The following CAPN15 variants were observed in gnomAD, a reference collection of about 807,000 sequenced individuals.
CAPN15 encodes calpain-15.
CAPN15 carries 53 observed loss-of-function variants against 97.9 expected under a neutral mutation model. The observed-to-expected ratio is 0.54, with a 90% confidence interval of 0.43 to 0.68. CAPN15 has a LOEUF of 0.68. Among genes scored for constraint, CAPN15 ranks in the 30% least tolerant of loss-of-function variants. The pLI, the probability that CAPN15 is intolerant of heterozygous loss-of-function variation, is 0.00. For synonymous variants in CAPN15, 922 were observed against 722.5 expected (o/e 1.28, Z -4.43); for missense variants, 1,592 against 1,589.8 (o/e 1.00, Z -0.02).
Position 530,807 on chromosome 16 carries a change from G to A in CAPN15, c.-190+2778G>A, listed in dbSNP as rs117705215. ...GGGCCCCCCAAGATGAGCTGCGTCA[G>A]GCTGTTGCTTTGCACACTCTGAGGG... is the stretch of plus-strand genomic sequence containing the variant. On this transcript the variant is annotated intron_variant, in intron 1 of 13. Coordinates refer to ENST00000219611, the MANE Select transcript of CAPN15 (RefSeq NM_005632.3). 7.9e-4 allele frequency among the ~76,000 whole-genome samples: 121 copies of A among 152,354 alleles called. 2 individuals are homozygous for A. The East Asian group carries it at 0.022, about 27-fold the overall frequency.
chr16:546,235 G>T (rs1348759323), intron 3 of CAPN15, among the ~76,000 whole-genome samples: 1 of 152,212 alleles, frequency 6.6e-6, no homozygotes, highest in Non-Finnish European at 1.5e-5. Context: ...GAAGAGGCAG[G>T]TTTTCTTTCT....
chr16:546,995 T>C lies in CAPN15; in HGVS notation c.157T>C (p.Cys53Arg), dbSNP rs1387544055. The change falls in exon 4 of 14, where the codon TGC becomes CGC. Residue 53 changes from cysteine (C) to arginine (R), a missense_variant. Cys to Arg is a radical substitution (Grantham distance 180). Transcript: ENST00000219611. ...GGAGCAGAAATGGCCCTGCGCCCGC[T>C]GCACCTTCCGCAACTTCCTGGGCAA... ...VEEQKWPCAR[C>R]TFRNFLGKEA... The C allele has an allele frequency of 1.2e-6, 2 of 1,610,232 alleles. No individual in the cohort carries two copies. Among genetic ancestry groups the C allele is most frequent in the Non-Finnish European group, 1.7e-6 (2 of 1,179,852 alleles).
Position 549,079 on chromosome 16 carries a change from G to A in CAPN15, c.1536G>A (p.Val512=), listed in dbSNP as rs747179596. The A allele has an allele frequency of 5.0e-6, 8 of 1,612,674 alleles. No homozygotes were observed. In the East Asian group the frequency reaches 1.6e-4, roughly 31 times the overall value. ...FPAGDSVQQR[V]RQWLRPQEIN... ...CGGGTGACAGCGTGCAGCAGCGTGT[G>A]AGGCAGTGGCTGCGACCCCAGGAGA... The change falls in exon 5 of 14, where the codon GTG becomes GTA. Residue 512 remains valine (V), a synonymous_variant. Coordinates refer to ENST00000219611, the MANE Select transcript of CAPN15 (RefSeq NM_005632.3).
intron 1 of CAPN15, among the ~76,000 whole-genome samples, chr16:529,896 CAGA>C (rs1173758983): frequency 6.6e-6 from 1 of 152,150 alleles, no homozygotes; most frequent in African/African-American, 2.4e-5. Context: ...TCATAAGACA[CAGA>C]AGAAGGAGGC....
In CAPN15 at chr16:546,825, A is replaced by G. The variant is rs2034616731; in HGVS notation, c.-14A>G. 1 of 1,587,516 alleles carries G rather than the reference A, an allele frequency of 6.3e-7. No homozygotes were observed. The highest frequency in any genetic ancestry group is 1.7e-5 in the Admixed American group (1 of 58,578). ...AGCACCTTCCCTTGCAGCCACACCC[A>G]CTCGCCCGGGTCTATGGCCACGGTC... On this transcript the variant is annotated 5_prime_UTR_variant, in exon 4 of 14. Coordinates refer to ENST00000219611, the MANE Select transcript of CAPN15 (RefSeq NM_005632.3).
At chr16:545,185 AAAC>A (rs1010215769) in intron 3 of CAPN15, among the ~76,000 whole-genome samples, 20 of 152,060 alleles carry the variant, frequency 1.3e-4, no homozygotes, top group African/African-American at 4.3e-4. Context: ...CTAAAGTTCA[AAAC>A]AACATCTTTG....
chr16:548,191 G>C lies in CAPN15; in HGVS notation c.1353G>C (p.Leu451=), dbSNP rs2034735835. The change falls in exon 4 of 14, where the codon CTG becomes CTC. Residue 451 remains leucine (L), a synonymous_variant. Transcript: ENST00000219611. ...LVAQRRGAAP[L]RRRESMHVEQ... is the part of the protein sequence containing the mutation. ...CCCAGCGGCGGGGGGCCGCGCCCCTGAGGCGCAGGGAGAGCATGCACGTGG... is the reference window on the plus strand; with the variant it reads ...CCCAGCGGCGGGGGGCCGCGCCCCTCAGGCGCAGGGAGAGCATGCACGTGG... The C allele has an allele frequency of 1.3e-6, 2 of 1,537,346 alleles. No individual in the cohort carries two copies. The highest frequency in any genetic ancestry group is 1.4e-5 in the African/African-American group (1 of 71,736).
At chr16:549,242 G>GGGGGGTT in intron 5 of CAPN15, 41 bp downstream of exon 5, 1 of 298,896 alleles carries the variant, frequency 3.3e-6, no homozygotes, top group Admixed American at 4.7e-5. Flanking sequence ...GGGTGGGCGG[G>GGGGGGTT]CGACCGGCCG....
Position 552,308 on chromosome 16 carries a change from G to A in CAPN15, c.2515G>A (p.Asp839Asn). 6.4e-7 allele frequency: 1 copy of A among 1,559,306 alleles called. No individual in the cohort carries two copies. ...CCGTGGTGTCTGGCGCAGGCGCTCGGACGCCGTGGACAGCCACCTGCTGGA... is the reference window on the plus strand; with the variant it reads ...CCGTGGTGTCTGGCGCAGGCGCTCGAACGCCGTGGACAGCCACCTGCTGGA... ...ALFQEGSRRSDAVDSHLLDLC... is the reference protein window; with the variant it reads ...ALFQEGSRRSNAVDSHLLDLC... The change falls in exon 11 of 14, where the codon GAC becomes AAC. Residue 839 changes from aspartate to asparagine, a missense_variant. This residue lies in a region of CAPN15 where 644 missense variants were observed against 699.6 expected (regional missense o/e 0.92). Transcript: ENST00000219611. The surrounding 1 kb of genome is among the most constrained non-coding windows in gnomAD (Gnocchi z 6.4).
At chr16:531,480 A>C (rs2033250580) in intron 1 of CAPN15, among the ~76,000 whole-genome samples, 1 of 152,114 alleles carries the variant, frequency 6.6e-6, no homozygotes, top group African/African-American at 2.4e-5. Context: ...AAAGGCAATA[A>C]GTTTTGGAGC....
chr16:527,759 C>G lies in CAPN15; in HGVS notation c.-460C>G, dbSNP rs1379855312. The G allele has an allele frequency of 1.3e-5, 2 of 149,976 alleles. No individual in the cohort carries two copies. Among genetic ancestry groups the G allele is most frequent in the African/African-American group, 2.4e-5 (1 of 41,144 alleles). 9.3% of individuals were successfully genotyped at this position (149,976 alleles called of 1,614,324 possible). ...AGCGCCGCGTGCGCCCCGGGCGCGC[C>G]GTAGCCGCGGGGCCCGGGCCGGGCG... On this transcript the variant is annotated 5_prime_UTR_variant, in exon 1 of 14. Transcript: ENST00000219611.
rs554547464 is a variant in CAPN15 at position 541,353 on chromosome 16, C to T, written c.-23+5211C>T. Among the ~76,000 whole-genome samples the T allele has an allele frequency of 1.4e-4, 22 of 152,274 alleles. No homozygotes were observed. In the East Asian group the frequency reaches 3.9e-3, roughly 27 times the overall value. Reference sequence around the variant, plus strand: ...CGAGTTACCCCGATGAACAGGGAGACGCGGCAGAGGCAGGGCCGGGGAGGG... The same window carrying T: ...CGAGTTACCCCGATGAACAGGGAGATGCGGCAGAGGCAGGGCCGGGGAGGG... On this transcript the variant is annotated intron_variant, in intron 3 of 13. Coordinates refer to ENST00000219611, the MANE Select transcript of CAPN15 (RefSeq NM_005632.3).
rs373748680 is a variant in CAPN15 at position 547,687 on chromosome 16, C to T, written c.849C>T (p.Ala283=). The part of the protein sequence containing the change: ...GAPQGSGWAG[A]SRLAELLSGK... ...CCCAGGGCTCGGGCTGGGCTGGGGC[C>T]TCCCGCCTAGCAGAGTTGCTGTCTG... is the stretch of plus-strand genomic sequence containing the variant. The change falls in exon 4 of 14, where the codon GCC becomes GCT. Residue 283 remains alanine, a synonymous_variant. Coordinates refer to ENST00000219611, the MANE Select transcript of CAPN15 (RefSeq NM_005632.3). 64 of 1,591,842 alleles carry T rather than the reference C, an allele frequency of 4.0e-5. No homozygotes were observed. The highest frequency in any genetic ancestry group is 1.7e-5 in the Admixed American group (1 of 59,020).
intron 3 of CAPN15, among the ~76,000 whole-genome samples, chr16:543,067 C>T (rs1160612060): frequency 3.3e-5 from 5 of 151,938 alleles, no homozygotes; most frequent in African/African-American, 1.2e-4. Flanking sequence ...AAAATACAAA[C>T]CCTGAGCTTG....
intron 3 of CAPN15, chr16:537,037 T>G: frequency 1.6e-6 from 1 of 630,536 alleles, no homozygotes; most frequent in Non-Finnish European, 2.0e-6. Context: ...ATACCATCTC[T>G]GGAGATCCCC....
At position 529,413 on chromosome 16, in the gene CAPN15, C is replaced by T. The variant is rs538957075; in HGVS notation, c.-190+1384C>T. ...CTTGCCCTGGCCTTGGGCAGCACTC[C>T]GGTAACCCCAGTGCCACAGGTGAGG... is the stretch of plus-strand genomic sequence containing the variant. On this transcript the variant is annotated intron_variant, in intron 1 of 13. Transcript: ENST00000219611. Among the ~76,000 whole-genome samples, 7 of 152,310 alleles carry T rather than the reference C, an allele frequency of 4.6e-5. No individual in the cohort carries two copies. The South Asian group carries it at 1.0e-3, about 23-fold the overall frequency.
Position 547,754 on chromosome 16 carries a change from G to A in CAPN15, c.916G>A (p.Gly306Ser). 1 of 1,608,522 alleles carries A rather than the reference G, an allele frequency of 6.2e-7. No individual in the cohort carries two copies. The highest frequency in any genetic ancestry group is 8.5e-7 in the Non-Finnish European group (1 of 1,177,316). Residue 306 changes from glycine to serine, a missense_variant, in exon 4 of 14, where the codon GGC becomes AGC. By Grantham distance (56) the Gly-to-Ser change is moderately conservative. Transcript: ENST00000219611. ...SVLEEEATEG[G>S]TSRVEAGSST... Reference sequence around the variant, plus strand: ...GCTGGAGGAAGAGGCCACGGAGGGTGGCACCAGCCGCGTAGAGGCCGGCAG... The same window carrying A: ...GCTGGAGGAAGAGGCCACGGAGGGTAGCACCAGCCGCGTAGAGGCCGGCAG...
At position 547,047 on chromosome 16, in the gene CAPN15, C is replaced by T. The variant is rs766000205; in HGVS notation, c.209C>T (p.Thr70Ile). The part of the protein sequence containing the change: ...GKEACEVCGF[T>I]PEPAPGAAFL... ...GAGGCCTGCGAGGTGTGCGGCTTCA[C>T]CCCGGAGCCTGCGCCTGGGGCTGCC... The change falls in exon 4 of 14, where the codon ACC (threonine) becomes ATC (isoleucine). Residue 70 changes from threonine to isoleucine, a missense_variant. Thr to Ile is a moderately conservative substitution (Grantham distance 89). Around this residue, in one of 3 missense-constraint regions of CAPN15, gnomAD observed 883 missense variants for 776.6 expected, o/e 1.14. Coordinates refer to ENST00000219611, the MANE Select transcript of CAPN15 (RefSeq NM_005632.3). 3.1e-6 allele frequency: 5 copies of T among 1,607,006 alleles called. No homozygotes were observed. Among genetic ancestry groups the T allele is most frequent in the Middle Eastern group, 1.6e-4 (1 of 6,078 alleles).
At chr16:549,231 C>A in intron 5 of CAPN15, 30 bp downstream of exon 5, 3 of 62,822 alleles carry the variant, frequency 4.8e-5, no homozygotes, top group Non-Finnish European at 6.6e-5. Flanking sequence ...CGGGGTGGGG[C>A]GGGTGGGCGG....
Sources: gnomAD v4.1 joint callset for allele counts (sites outside exome capture counted in the v4.1 genomes callset) on GRCh38, gnomAD v4.1.1 for gene constraint, gnomAD v4.1.1 regional missense constraint, Gnocchi (gnomAD v3.1) non-coding constraint, MANE v1.5 for transcripts, NCBI Gene and HGNC (gene_info 2026-07-23, HGNC 2026-07-21) for gene names.